The following POLRMT variants were observed in gnomAD, a reference collection of about 807,000 sequenced individuals.
POLRMT encodes the protein RNA polymerase mitochondrial, also known as DNA-directed RNA polymerase, mitochondrial.
POLRMT carries 114 observed loss-of-function variants against 132.2 expected under a neutral mutation model. The ratio of observed to expected loss-of-function variants is 0.86; its 90% CI spans 0.74 to 1.01. POLRMT has a LOEUF of 1.01. Ranked by LOEUF, POLRMT falls within the 50% of genes least tolerant of loss-of-function variation. The probability of loss-of-function intolerance (pLI) is 0.00; values close to 1 mark genes in which losing one functional copy is unlikely to be tolerated. For missense variants in POLRMT, 2,003 were observed against 1,729.1 expected, an observed-to-expected ratio of 1.16 and a Z score of -2.81; for synonymous variants, 1,020 against 773.4, an observed-to-expected ratio of 1.32 and a Z score of -5.29.
intron 5 of POLRMT, among the ~76,000 whole-genome samples, chr19:624,184 C>T (rs1301052378): frequency 1.3e-5 from 2 of 152,210 alleles, no homozygotes; most frequent in Non-Finnish European, 1.5e-5. Flanking sequence ...ACCATGAGGA[C>T]GTCACGCTCA....
chr19:621,655 C>T lies in POLRMT; in HGVS notation c.2043G>A (p.Gln681=). Reference sequence around the variant, plus strand: ...TGGGCGGGCAGGTTTCCAGCAGCTCCTGGTGCTGCGTGGCGCCTTCCACCG... The same window carrying T: ...TGGGCGGGCAGGTTTCCAGCAGCTCTTGGTGCTGCGTGGCGCCTTCCACCG... The part of the protein sequence containing the change: ...MRTVEGATQH[Q]ELLETCPPTA... The change falls in exon 10 of 21, where the codon CAG becomes CAA. Residue 681 remains glutamine, a synonymous_variant. Coordinates refer to ENST00000588649, the MANE Select transcript of POLRMT (RefSeq NM_005035.4). 1.3e-6 allele frequency: 2 copies of T among 1,541,110 alleles called. No individual in the cohort carries two copies. Among genetic ancestry groups the T allele is most frequent in the South Asian group, 1.2e-5 (1 of 83,152 alleles).
At position 621,169 on chromosome 19, in the gene POLRMT, G is replaced by T. The variant is rs777723928; in HGVS notation, c.2529C>A (p.Ile843=). The change falls in exon 10 of 21, where the codon ATC becomes ATA. Residue 843 remains isoleucine, a synonymous_variant. Transcript: ENST00000588649. Reference sequence around the variant, plus strand: ...TCAACCCCGTGAGATTGACCAGGTGGATCTTGAGCCAATCCAGGCCGTGCG... The same window carrying T: ...TCAACCCCGTGAGATTGACCAGGTGTATCTTGAGCCAATCCAGGCCGTGCG... ...LGPHGLDWLK[I]HLVNLTGLKK... The T allele has an allele frequency of 6.8e-6, 11 of 1,610,776 alleles. No homozygotes were observed. Among genetic ancestry groups the T allele is most frequent in the Non-Finnish European group, 8.5e-6 (10 of 1,178,684 alleles).
Position 619,945 on chromosome 19 carries a change from G to C in POLRMT, c.2886+13C>G, listed in dbSNP as rs1196596442. 1.9e-6 allele frequency: 3 copies of C among 1,601,854 alleles called. No individual in the cohort carries two copies. In the South Asian group the frequency reaches 3.3e-5, roughly 18 times the overall value. ...CACGCCGAGATGCCCCCGGGCAGCA[G>C]GGCACACCCTACCTGCGCGGCCACG... On this transcript the variant is annotated intron_variant, in intron 12 of 20. Coordinates refer to ENST00000588649, the MANE Select transcript of POLRMT (RefSeq NM_005035.4).
In POLRMT at chr19:617,675, T is replaced by C; in HGVS notation, c.3496-20A>G. ...GCACACCTGGGCAGGAGTCAGAGGA[T>C]CCCCAGGGGTGATCAGGCAGGCTCT... On this transcript the variant is annotated intron_variant, in intron 18 of 20. Coordinates refer to ENST00000588649, the MANE Select transcript of POLRMT (RefSeq NM_005035.4). 3 of 1,612,388 alleles carry C rather than the reference T, an allele frequency of 1.9e-6. No homozygotes were observed. The highest frequency in any genetic ancestry group is 2.2e-5 in the South Asian group (2 of 91,076).
chr19:624,917 G>T lies in POLRMT; in HGVS notation c.954-12C>A. The T allele has an allele frequency of 6.3e-7, 1 of 1,598,178 alleles. No individual in the cohort carries two copies. ...TCTGTTCCAGACACCTGTGGTGCAGGCGGCCTGCTCGAGGGACGGGCCAGC... is the reference window on the plus strand; with the variant it reads ...TCTGTTCCAGACACCTGTGGTGCAGTCGGCCTGCTCGAGGGACGGGCCAGC... On this transcript the variant is annotated splice_polypyrimidine_tract_variant and intron_variant, in intron 4 of 20. Transcript: ENST00000588649.
At position 620,364 on chromosome 19, in the gene POLRMT, C is replaced by T; in HGVS notation, c.2763+1G>A. The T allele has an allele frequency of 6.4e-7, 1 of 1,572,796 alleles. No homozygotes were observed. On this transcript the variant is annotated splice_donor_variant, in intron 11 of 20. Coordinates refer to ENST00000588649, the MANE Select transcript of POLRMT (RefSeq NM_005035.4). LOFTEE classifies it high-confidence loss of function. ...TCGGGGGCCAGACCCAGCTGGCTCA[C>T]CTGATGGACGGGGAGGTGGGAGACA...
intron 2 of POLRMT, among the ~76,000 whole-genome samples, chr19:631,566 G>C (rs935426744): frequency 6.6e-6 from 1 of 151,992 alleles, no homozygotes; most frequent in African/African-American, 2.4e-5. Flanking sequence ...TTGAACTCGG[G>C]AGGCGGAGGC....
At chr19:623,142 G>A (rs563720561) in intron 6 of POLRMT, among the ~76,000 whole-genome samples, 157 bp from the exon 7 acceptor site, 3 of 152,288 alleles carry the variant, frequency 2.0e-5, no homozygotes, top group South Asian at 4.1e-4. Flanking sequence ...GCCCTCTGCC[G>A]GCTTCAGCGT....
chr19:633,513 T>TA lies in POLRMT; in HGVS notation c.-2dup, dbSNP rs1568179842. ...CGCGGCCCCAGCAAAGTGCCGACAT[T>TA]ACGCACGCCGCTCCAGGCCACCCCA... is the stretch of plus-strand genomic sequence containing the variant. On this transcript the variant is annotated 5_prime_UTR_variant, in exon 1 of 21. Coordinates refer to ENST00000588649, the MANE Select transcript of POLRMT (RefSeq NM_005035.4). 7 of 928,940 alleles carry TA rather than the reference T, an allele frequency of 7.5e-6. 2 individuals carry two copies. Among genetic ancestry groups the TA allele is most frequent in the Non-Finnish European group, 1.1e-5 (7 of 647,820 alleles). The allele number at this position is 928,940 out of a possible 1,614,324, so 57.5% of individuals were successfully genotyped here.
rs761090282 is a variant in POLRMT, at chr19:621,142, C to T, written c.2556G>A (p.Lys852=). 15 of 1,611,154 alleles carry T rather than the reference C, an allele frequency of 9.3e-6. No individual in the cohort carries two copies. Among genetic ancestry groups the T allele is most frequent in the Non-Finnish European group, 1.3e-5 (15 of 1,178,802 alleles). The change falls in exon 10 of 21, where the codon AAG becomes AAA. Residue 852 remains lysine, a synonymous_variant. Coordinates refer to ENST00000588649, the MANE Select transcript of POLRMT (RefSeq NM_005035.4). ...KIHLVNLTGL[K]KREPLRKRLA... is the part of the protein sequence containing the mutation. ...GGCGCTTCCGCAGCGGCTCCCGCTT[C>T]TTCAACCCCGTGAGATTGACCAGGT...
In POLRMT at chr19:622,463, T is replaced by A. The variant is rs1051571094; in HGVS notation, c.1627-90A>T. The A allele has an allele frequency of 2.0e-6, 3 of 1,464,516 alleles. No individual in the cohort carries two copies. In the Admixed American group the frequency reaches 7.5e-5, roughly 37 times the overall value. 90.7% of individuals were successfully genotyped at this position (1,464,516 alleles called of 1,614,324 possible). A position where few individuals can be genotyped will look rare whatever the true frequency, so the allele number is the denominator to read the frequency against. ...TGCCTGACGCCCGGTGGGGCATCTG[T>A]CAGCCCAAGCATACAGATGAACAGA... On this transcript the variant is annotated intron_variant, in intron 8 of 20. Transcript: ENST00000588649.
chr19:621,563 C>T lies in POLRMT; in HGVS notation c.2135G>A (p.Arg712His), dbSNP rs547767015. ...GAGCTGCAGCACCAGGTCCAGCACG[C>T]GCCCGTTGACGCGCCAGGCGCAGTT... ...LGNCAWRVNG[R>H]VLDLVLQLFQ... The change falls in exon 10 of 21, where the codon CGC (arginine) becomes CAC (histidine). Residue 712 changes from arginine to histidine, a missense_variant. Arg to His is a conservative substitution (Grantham distance 29, BLOSUM62 0). Coordinates refer to ENST00000588649, the MANE Select transcript of POLRMT (RefSeq NM_005035.4). The T allele has an allele frequency of 1.0e-5, 15 of 1,450,406 alleles. 1 individual carries two copies. The East Asian group carries it at 2.1e-4, about 20-fold the overall frequency. The allele number at this position is 1,450,406 out of a possible 1,614,324, so 89.8% of individuals were successfully genotyped here.
At position 621,091 on chromosome 19, in the gene POLRMT, A is replaced by G. The variant is rs939266183; in HGVS notation, c.2607T>C (p.Asp869=). The stretch of plus-strand genomic sequence containing the variant: ...GTTGGTCCGCGGAGTCCAGGATGTC[A>G]TCCATCACCTCCTCCGCAAAGGCCA... ...KRLAFAEEVM[D]DILDSADQPL... is the part of the protein sequence containing the mutation. The change falls in exon 10 of 21, where the codon GAT becomes GAC. Residue 869 remains aspartate (D), a synonymous_variant. Transcript: ENST00000588649. 1 of 1,606,256 alleles carries G rather than the reference A, an allele frequency of 6.2e-7. No homozygotes were observed. The highest frequency in any genetic ancestry group is 8.5e-7 in the Non-Finnish European group (1 of 1,177,578).
chr19:630,986 C>T (rs997275359), intron 2 of POLRMT, among the ~76,000 whole-genome samples: 7 of 151,832 alleles, frequency 4.6e-5, no homozygotes, highest in African/African-American at 1.7e-4. Context: ...GGTGAAACCC[C>T]GTCTCTATTA....
chr19:620,682 G>A (rs945261746), intron 10 of POLRMT, among the ~76,000 whole-genome samples, 195 bp from the exon 11 acceptor site: 1 of 149,170 alleles, frequency 6.7e-6, no homozygotes, highest in South Asian at 2.2e-4. Context: ...TGGGAGCTGC[G>A]GGTGGACCGG....
intron 13 of POLRMT, 40 bp downstream of exon 13, chr19:619,546 G>A (rs769344922): frequency 6.2e-7 from 1 of 1,608,502 alleles, no homozygotes; most frequent in African/African-American, 1.3e-5. Flanking sequence ...TTAAATGGCA[G>A]TGAAACCAAC....
chr19:622,181 A>T lies in POLRMT; in HGVS notation c.1819T>A (p.Tyr607Asn). ...HRSSRLVPVL[Y>N]HVYSFRNVQQ... is the part of the protein sequence containing the mutation. ...ACGTTGCGGAAGGAATACACGTGGTAGAGCACGGGGACAAGCCGAGAGGAA... is the reference window on the plus strand; with the variant it reads ...ACGTTGCGGAAGGAATACACGTGGTTGAGCACGGGGACAAGCCGAGAGGAA... The change falls in exon 9 of 21, where the codon TAC becomes AAC. Residue 607 changes from tyrosine to asparagine, a missense_variant. By Grantham distance (143) the Tyr-to-Asn change is moderately radical. Transcript: ENST00000588649. The T allele has an allele frequency of 6.4e-7, 1 of 1,572,386 alleles. No homozygotes were observed. Among genetic ancestry groups the T allele is most frequent in the Non-Finnish European group, 8.6e-7 (1 of 1,162,958 alleles).
chr19:622,303 G>C lies in POLRMT; in HGVS notation c.1697C>G (p.Pro566Arg). ...LGAPEALREQPWPLPVQMELG... is the reference protein window; with the variant it reads ...LGAPEALREQRWPLPVQMELG... ...CTCCATCTGCACTGGCAGGGGCCAGGGCTGCTCCCGCAGGGCCTCGGGCGC... is the reference window on the plus strand; with the variant it reads ...CTCCATCTGCACTGGCAGGGGCCAGCGCTGCTCCCGCAGGGCCTCGGGCGC... Residue 566 changes from proline to arginine, a missense_variant, in exon 9 of 21, where the codon CCC (proline) becomes CGC (arginine). By Grantham distance (103) the Pro-to-Arg change is moderately radical. Coordinates refer to ENST00000588649, the MANE Select transcript of POLRMT (RefSeq NM_005035.4). 6.4e-7 allele frequency: 1 copy of C among 1,566,250 alleles called. No individual in the cohort carries two copies. The highest frequency in any genetic ancestry group is 8.6e-7 in the Non-Finnish European group (1 of 1,156,756).
rs2144626791 is a variant in POLRMT, at chr19:622,305, C to G, written c.1695G>C (p.Gln565His). The change falls in exon 9 of 21, where the codon CAG (glutamine) becomes CAC (histidine). Residue 565 changes from glutamine (Q) to histidine (H), a missense_variant. Gln to His is a conservative substitution (Grantham distance 24, BLOSUM62 0). Transcript: ENST00000588649. ...ELGAPEALRE[Q>H]PWPLPVQMEL... ...CCATCTGCACTGGCAGGGGCCAGGG[C>G]TGCTCCCGCAGGGCCTCGGGCGCCC... 1.3e-6 allele frequency: 2 copies of G among 1,566,184 alleles called. No individual in the cohort carries two copies. The highest frequency in any genetic ancestry group is 1.7e-6 in the Non-Finnish European group (2 of 1,156,762).
Sources: gnomAD v4.1 joint callset for allele counts (sites outside exome capture counted in the v4.1 genomes callset) on GRCh38, gnomAD v4.1.1 for gene constraint, MANE v1.5 for transcripts, NCBI Gene and HGNC (gene_info 2026-07-23, HGNC 2026-07-21) for gene names.